ACCSL: variants seen among roughly 807,000 people sequenced by gnomAD.
ACCSL encodes the protein 1-aminocyclopropane-1-carboxylate synthase homolog (inactive) like.
A neutral mutation model predicts 61.7 loss-of-function variants in ACCSL; 55 were observed. That is an observed-to-expected ratio of 0.89 (90% CI 0.72 to 1.12). The LOEUF (loss-of-function observed/expected upper bound fraction) is 1.12. Ranked by LOEUF, ACCSL falls within the 50% of genes most tolerant of loss-of-function variation. ACCSL has a pLI of 0.00. For synonymous variants in ACCSL, 258 were observed against 264.3 expected, an observed-to-expected ratio of 0.98 and a Z score of 0.23; for missense variants, 632 against 698.0, an observed-to-expected ratio of 0.91 and a Z score of 1.07.
At chr11:43,943,244 G>T in the ACCSL span, 13 of 1,516,054 alleles carry the variant, frequency 8.6e-6, no homozygotes, top group African/African-American at 1.4e-5. This position sits in a 1 kb window ranked among gnomAD's most constrained non-coding sequence, Gnocchi z 4.8. Context: ...GAACAGCCTG[G>T]ACTCCAGCGA....
chr11:43,971,734 C>T, the ACCSL span, among the ~76,000 whole-genome samples: 2 of 152,200 alleles, frequency 1.3e-5, no homozygotes, highest in African/African-American at 4.8e-5. Context: ...GAATTGTCCT[C>T]CCCACTCAGC....
the ACCSL span, among the ~76,000 whole-genome samples, chr11:43,991,680 G>C: frequency 6.6e-6 from 1 of 152,200 alleles, no homozygotes; most frequent in Admixed American, 6.5e-5. Flanking sequence ...TGTAGTCCCA[G>C]CTACTCGGGA....
the ACCSL span, chr11:43,943,652 C>A: frequency 7.7e-7 from 1 of 1,305,212 alleles, no homozygotes; most frequent in African/African-American, 1.5e-5. The surrounding 1 kb of genome is among the most constrained non-coding windows in gnomAD (Gnocchi z 4.8). Context: ...ACCGTGCCCC[C>A]CAGCGCACAC....
At chr11:44,050,476 A>G (rs188629103) in intron 2 of ACCSL, 76 bp from the exon 3 acceptor site, 607 of 1,304,474 alleles carry the variant, frequency 4.7e-4, no homozygotes, top group South Asian at 1.1e-3. Flanking sequence ...GCAAACACTC[A>G]TGTACAAACT....
the ACCSL span, among the ~76,000 whole-genome samples, chr11:43,924,294 G>T: frequency 6.6e-6 from 1 of 152,256 alleles, no homozygotes; most frequent in Non-Finnish European, 1.5e-5. Context: ...TAGCCCAGCC[G>T]TGCCTGCTGC....
At chr11:44,044,904 A>G (rs1421808929), upstream of ACCSL, among the ~76,000 whole-genome samples, 4 of 152,124 alleles carry the variant, frequency 2.6e-5, no homozygotes, top group African/African-American at 4.8e-5. Flanking sequence ...GGTGAATGGA[A>G]AGGTAGATGG....
At chr11:44,056,855 A>C (rs184486390) in intron 11 of ACCSL, among the ~76,000 whole-genome samples, 103 of 152,318 alleles carry the variant, frequency 6.8e-4, no homozygotes, top group African/African-American at 2.4e-3. Context: ...AAAAAACTAC[A>C]GGATGAGCTT....
At chr11:44,047,907 T>G, upstream of ACCSL, 98 of 1,198,866 alleles carry the variant, frequency 8.2e-5, no homozygotes, top group Middle Eastern at 2.7e-4. Flanking sequence ...AGAACAGATC[T>G]GAGATCTGTT....
the ACCSL span, among the ~76,000 whole-genome samples, chr11:44,002,214 G>A: frequency 6.6e-6 from 1 of 152,148 alleles, no homozygotes; most frequent in Admixed American, 6.5e-5. Flanking sequence ...ATTCTGGTGG[G>A]GGACAGGAGA....
the ACCSL span, among the ~76,000 whole-genome samples, chr11:43,971,866 T>C: frequency 1.3e-5 from 2 of 152,162 alleles, no homozygotes; most frequent in Admixed American, 6.5e-5. Flanking sequence ...TAGCTCAGGG[T>C]CACAGACCTC....
At chr11:44,008,146 T>C in the ACCSL span, among the ~76,000 whole-genome samples, 4 of 152,112 alleles carry the variant, frequency 2.6e-5, no homozygotes, top group Non-Finnish European at 5.9e-5. Flanking sequence ...ATCTCAGAAG[T>C]AATTTTCATT....
At chr11:43,938,927 G>C in the ACCSL span, among the ~76,000 whole-genome samples, 1 of 152,198 alleles carries the variant, frequency 6.6e-6, no homozygotes, top group Non-Finnish European at 1.5e-5. Flanking sequence ...TTGGTTTAAA[G>C]TTTGGCCTAA....
chr11:44,058,785 T>C (rs1340802900), intron 13 of ACCSL, 86 bp downstream of exon 13: 1 of 1,460,182 alleles, frequency 6.8e-7, no homozygotes, highest in African/African-American at 1.4e-5. Context: ...TTAAACATCC[T>C]ATAGATCTAG....
At chr11:44,021,392 T>A in the ACCSL span, among the ~76,000 whole-genome samples, 2 of 152,206 alleles carry the variant, frequency 1.3e-5, no homozygotes, top group Admixed American at 1.3e-4. Flanking sequence ...ATTTTTCATG[T>A]TTGTTGGCCA....
At chr11:43,996,415 A>G in the ACCSL span, among the ~76,000 whole-genome samples, 2 of 152,158 alleles carry the variant, frequency 1.3e-5, no homozygotes. Context: ...ACGCTCTGTT[A>G]ACAGCTGATG....
upstream of ACCSL, among the ~76,000 whole-genome samples, chr11:44,043,397 A>T (rs1952584811): frequency 1.3e-5 from 2 of 152,234 alleles, no homozygotes; most frequent in African/African-American, 4.8e-5. Context: ...TTCTTTCAGT[A>T]CATTGAAAAT....
chr11:44,012,035 G>T, the ACCSL span, among the ~76,000 whole-genome samples: 1 of 152,132 alleles, frequency 6.6e-6, no homozygotes, highest in African/African-American at 2.4e-5. Context: ...GGAGGAAAGA[G>T]AAGAACCTCC....
the ACCSL span, among the ~76,000 whole-genome samples, chr11:43,983,972 C>T: frequency 6.6e-6 from 1 of 152,190 alleles, no homozygotes; most frequent in African/African-American, 2.4e-5. Context: ...AAAAATTAGC[C>T]AGGCATGGTG....
the ACCSL span, among the ~76,000 whole-genome samples, chr11:43,972,812 G>A: frequency 9.2e-5 from 14 of 152,192 alleles, no homozygotes; most frequent in Non-Finnish European, 1.3e-4. Flanking sequence ...GGCACCAGGA[G>A]CAAGTTTCTG....
Sources: gnomAD v4.1 joint callset for allele counts (sites outside exome capture counted in the v4.1 genomes callset) on GRCh38, gnomAD v4.1.1 for gene constraint, Gnocchi (gnomAD v3.1) non-coding constraint, MANE v1.5 for transcripts, NCBI Gene and HGNC (gene_info 2026-07-23, HGNC 2026-07-21) for gene names.